MICU1: variants seen among roughly 807,000 people sequenced by gnomAD.
MICU1 encodes mitochondrial calcium uptake 1.
MICU1 carries 45 observed loss-of-function variants against 56.8 expected under a neutral mutation model. The ratio of observed to expected loss-of-function variants is 0.79; its 90% confidence interval spans 0.62 to 1.02. MICU1 has a LOEUF of 1.02. MICU1 is among the 50% of genes least tolerant of loss of function. The probability of loss-of-function intolerance (pLI) is 0.00; values close to 1 mark genes in which losing one functional copy is unlikely to be tolerated. For synonymous variants in MICU1, 186 were observed against 195.1 expected, an observed-to-expected ratio of 0.95 and a Z score of 0.39; for missense variants, 504 against 587.1, an observed-to-expected ratio of 0.86 and a Z score of 1.46.
chr10:72,534,452 TA>T (rs1185637382), intron 4 of MICU1, among the ~76,000 whole-genome samples: 1 of 152,100 alleles, frequency 6.6e-6, no homozygotes, highest in African/African-American at 2.4e-5. Flanking sequence ...AATGAATGAA[TA>T]AGAAACAGTC....
chr10:72,464,796 T>C (rs1405617960), intron 8 of MICU1, among the ~76,000 whole-genome samples: 2 of 152,112 alleles, frequency 1.3e-5, no homozygotes, highest in Non-Finnish European at 2.9e-5. Flanking sequence ...CTGGAGAGAA[T>C]AAAGGGAATT....
intron 8 of MICU1, among the ~76,000 whole-genome samples, chr10:72,464,203 G>A (rs1475533512): frequency 6.6e-6 from 1 of 150,396 alleles, no homozygotes; most frequent in African/African-American, 2.5e-5. Context: ...GGCTAATGCA[G>A]GAGAATCACT....
intron 8 of MICU1, among the ~76,000 whole-genome samples, chr10:72,449,504 T>C (rs766971651): frequency 6.6e-6 from 1 of 152,092 alleles, no homozygotes; most frequent in Non-Finnish European, 1.5e-5. Flanking sequence ...TCCCAAAGTG[T>C]TGGGATTAAA....
chr10:72,547,586 GAATAA>G (rs1839928599), intron 4 of MICU1, among the ~76,000 whole-genome samples: 3 of 150,420 alleles, frequency 2.0e-5, no homozygotes, highest in Admixed American at 2.0e-4. Context: ...GTACAAAGAA[GAATAA>G]AATGATTTCT....
chr10:72,591,909 G>A (rs549403820), intron 1 of MICU1, among the ~76,000 whole-genome samples: 2 of 152,058 alleles, frequency 1.3e-5, no homozygotes, highest in Admixed American at 1.3e-4. Context: ...TACTCGAGAG[G>A]CTGAGGCAGG....
intron 10 of MICU1, among the ~76,000 whole-genome samples, chr10:72,406,602 C>T (rs1863638084): frequency 1.3e-5 from 2 of 148,580 alleles, no homozygotes; most frequent in African/African-American, 2.6e-5. Flanking sequence ...TTCATATACT[C>T]CTTATTAAAA....
intron 8 of MICU1, among the ~76,000 whole-genome samples, chr10:72,438,267 T>A (rs893044728): frequency 2.2e-4 from 34 of 152,170 alleles, no homozygotes; most frequent in African/African-American, 8.0e-4. Flanking sequence ...CACAACTACA[T>A]GGAAACTGAA....
chr10:72,435,365 G>C (rs1470468865), intron 8 of MICU1, among the ~76,000 whole-genome samples: 1 of 139,088 alleles, frequency 7.2e-6, no homozygotes, highest in Non-Finnish European at 1.5e-5. Context: ...TCCACCCTGG[G>C]CCAGAGTGAG....
At chr10:72,471,508 G>C (rs1263108690) in intron 8 of MICU1, among the ~76,000 whole-genome samples, 1 of 152,148 alleles carries the variant, frequency 6.6e-6, no homozygotes, top group Non-Finnish European at 1.5e-5. Flanking sequence ...TTTAGATTGT[G>C]GTCAGGCTGG....
At chr10:72,569,346 T>C (rs1452857117) in intron 1 of MICU1, among the ~76,000 whole-genome samples, 1 of 149,408 alleles carries the variant, frequency 6.7e-6, no homozygotes, top group African/African-American at 2.5e-5. Flanking sequence ...GCAATTCTCC[T>C]GTCTCAGCCT....
At chr10:72,417,448 C>T (rs572408257) in intron 9 of MICU1, among the ~76,000 whole-genome samples, 39 of 138,710 alleles carry the variant, frequency 2.8e-4, no homozygotes, top group South Asian at 1.1e-3. Flanking sequence ...AGCAAGACTC[C>T]GTCTCAAAAA....
chr10:72,471,936 G>T (rs938145679), intron 8 of MICU1, among the ~76,000 whole-genome samples: 3 of 151,652 alleles, frequency 2.0e-5, no homozygotes, highest in African/African-American at 4.8e-5. Context: ...GCCTTTGTGT[G>T]TGTGTGTGTG....
At position 72,367,996 on chromosome 10, in the gene MICU1, A is replaced by G. The variant is rs1294885045; in HGVS notation, c.*199T>C. 1.8e-6 allele frequency: 1 copy of G among 550,364 alleles called. No homozygotes were observed. Among genetic ancestry groups the G allele is most frequent in the Non-Finnish European group, 3.2e-6 (1 of 310,762 alleles). 34.1% of individuals were successfully genotyped at this position (550,364 alleles called of 1,614,324 possible). On this transcript the variant is annotated 3_prime_UTR_variant, in exon 12 of 12. Coordinates refer to ENST00000361114, the MANE Select transcript of MICU1 (RefSeq NM_001195518.2). ...TTCATGTTTTTGAGAACCTATGGGGATACTCATTGGGCAGAATCAGAGCCC... is the reference window on the plus strand; with the variant it reads ...TTCATGTTTTTGAGAACCTATGGGGGTACTCATTGGGCAGAATCAGAGCCC...
intron 10 of MICU1, among the ~76,000 whole-genome samples, chr10:72,404,016 G>C (rs1863550145): frequency 6.6e-6 from 1 of 150,414 alleles, no homozygotes; most frequent in African/African-American, 2.4e-5. Context: ...TGGAGACAGA[G>C]TCTTCCTCTG....
At chr10:72,573,784 T>A (rs974780014) in intron 1 of MICU1, among the ~76,000 whole-genome samples, 1 of 152,134 alleles carries the variant, frequency 6.6e-6, no homozygotes, top group Admixed American at 6.6e-5. Flanking sequence ...TGCATTCCCC[T>A]CAGCCAGGAA....
At chr10:72,514,075 A>G (rs1241419077) in intron 5 of MICU1, among the ~76,000 whole-genome samples, 1 of 151,744 alleles carries the variant, frequency 6.6e-6, no homozygotes, top group African/African-American at 2.4e-5. Context: ...CAATTGACCT[A>G]TATCTTCAAG....
chr10:72,459,293 T>G (rs1281972299), intron 8 of MICU1, among the ~76,000 whole-genome samples: 1 of 152,144 alleles, frequency 6.6e-6, no homozygotes, highest in Non-Finnish European at 1.5e-5. Context: ...ATCACACCAC[T>G]GCACTCCAGC....
At chr10:72,610,556 G>A (rs1841816863) in intron 1 of MICU1, among the ~76,000 whole-genome samples, 1 of 152,186 alleles carries the variant, frequency 6.6e-6, no homozygotes, top group African/African-American at 2.4e-5. Flanking sequence ...GTGGGCCAGG[G>A]AAGGTAGTAC....
chr10:72,593,555 G>C (rs1841288715), intron 1 of MICU1, among the ~76,000 whole-genome samples: 1 of 150,910 alleles, frequency 6.6e-6, no homozygotes, highest in South Asian at 2.1e-4. Flanking sequence ...CATCTAAATT[G>C]GAAAGGAAGA....
Sources: gnomAD v4.1 joint callset for allele counts (sites outside exome capture counted in the v4.1 genomes callset) on GRCh38, gnomAD v4.1.1 for gene constraint, MANE v1.5 for transcripts, NCBI Gene and HGNC (gene_info 2026-07-23, HGNC 2026-07-21) for gene names.